RUNX1T1: variants seen among roughly 807,000 people sequenced by gnomAD.
RUNX1T1 encodes the protein protein CBFA2T1.
In RUNX1T1, 4 loss-of-function variants were observed where a neutral mutation model predicts 62.8. That is an observed-to-expected ratio of 0.06 (90% CI 0.03 to 0.15). The LOEUF (loss-of-function observed/expected upper bound fraction) is 0.15, where lower values mean the gene tolerates loss of function less well. Ranked by LOEUF, RUNX1T1 falls within the 10% of genes least tolerant of loss-of-function variation. RUNX1T1 has a pLI of 1.00. For missense variants in RUNX1T1, 508 were observed against 754.3 expected (o/e 0.67, Z 3.82); for synonymous variants, 291 against 286.0 (o/e 1.02, Z -0.18).
chr8:92,083,441 T>G (rs557469498), intron 1 of RUNX1T1, among the ~76,000 whole-genome samples: 2 of 152,194 alleles, frequency 1.3e-5, no homozygotes, highest in East Asian at 3.9e-4. Flanking sequence ...GTGAAGCATA[T>G]CAACAGACAC....
At chr8:91,998,640 G>A (rs1379787635) in intron 5 of RUNX1T1, among the ~76,000 whole-genome samples, 1 of 152,208 alleles carries the variant, frequency 6.6e-6, no homozygotes, top group Non-Finnish European at 1.5e-5. Flanking sequence ...TCACGTGTCT[G>A]AAGCTGACCA....
At chr8:92,004,927 C>A in intron 5 of RUNX1T1, 189 bp downstream of exon 6, 1 of 537,518 alleles carries the variant, frequency 1.9e-6, no homozygotes, top group Non-Finnish European at 3.2e-6. Context: ...GCCAAACTGT[C>A]CCAGGCCAGA....
At chr8:92,073,925 T>C (rs887921141) in intron 2 of RUNX1T1, among the ~76,000 whole-genome samples, 5 of 152,150 alleles carry the variant, frequency 3.3e-5, no homozygotes, top group Non-Finnish European at 7.4e-5. Flanking sequence ...CTAGAACTCC[T>C]GAGTTCAAGC....
chr8:91,959,412 TTGTGTG>T (rs56037232), exon 11 of RUNX1T1: 8,308 of 138,098 alleles, frequency 0.06, 320 homozygotes, highest in Non-Finnish European at 0.076. Context: ...AGTCTCTTAC[TTGTGTG>T]TGTGTGTGTG....
intron 5 of RUNX1T1, among the ~76,000 whole-genome samples, chr8:91,996,437 G>A (rs530952590): frequency 3.3e-5 from 5 of 152,204 alleles, no homozygotes; most frequent in African/African-American, 1.2e-4. Flanking sequence ...TCCTGACCTC[G>A]CGATCCGCCC....
intron 2 of RUNX1T1, among the ~76,000 whole-genome samples, chr8:92,074,863 G>A (rs1441302503): frequency 6.6e-6 from 1 of 152,148 alleles, no homozygotes; most frequent in Non-Finnish European, 1.5e-5. Context: ...GGAATGAAAA[G>A]AAGGGAAATA....
intron 1 of RUNX1T1, among the ~76,000 whole-genome samples, chr8:92,060,553 A>ATATATGTGTGTG: frequency 2.0e-4 from 13 of 63,948 alleles, no homozygotes; most frequent in African/African-American, 7.5e-4. Context: ...ATATATATAT[A>ATATATGTGTGTG]TGTGTGTGTG....
chr8:92,042,571 G>C (rs1828661095), intron 1 of RUNX1T1, among the ~76,000 whole-genome samples: 1 of 152,152 alleles, frequency 6.6e-6, no homozygotes, highest in Admixed American at 6.5e-5. Flanking sequence ...TTTGTCCTTG[G>C]CTTCCCGAAG....
intron 1 of RUNX1T1, among the ~76,000 whole-genome samples, chr8:92,051,650 T>C (rs963085821): frequency 5.3e-5 from 8 of 151,554 alleles, no homozygotes; most frequent in African/African-American, 1.9e-4. Context: ...TCTCAAGTTA[T>C]TCCTCAGAGC....
chr8:92,040,880 A>C (rs1828312298), intron 1 of RUNX1T1, among the ~76,000 whole-genome samples: 1 of 152,064 alleles, frequency 6.6e-6, no homozygotes, highest in Non-Finnish European at 1.5e-5. Context: ...AAATAATATA[A>C]ATTTTTTTTT....
chr8:91,955,304 G>T (rs1341498922), downstream of RUNX1T1: 1 of 224,412 alleles, frequency 4.5e-6, no homozygotes, highest in Non-Finnish European at 8.9e-6. Flanking sequence ...CTATCTGCTA[G>T]TTTCTGGCCT....
At chr8:91,978,794 C>T (rs1814547114) in intron 8 of RUNX1T1, among the ~76,000 whole-genome samples, 1 of 152,132 alleles carries the variant, frequency 6.6e-6, no homozygotes, top group Non-Finnish European at 1.5e-5. Flanking sequence ...CTATGGGCTG[C>T]ACAGGTGTCT....
chr8:92,008,280 CG>C (rs1554617839), intron 4 of RUNX1T1, among the ~76,000 whole-genome samples: 1 of 151,476 alleles, frequency 6.6e-6, no homozygotes, highest in Admixed American at 6.6e-5. Flanking sequence ...GATGAGGAAG[CG>C]GGGGGGAAGT....
chr8:92,037,248 G>A (rs1035388749), intron 1 of RUNX1T1, among the ~76,000 whole-genome samples: 2 of 152,162 alleles, frequency 1.3e-5, no homozygotes, highest in African/African-American at 2.4e-5. Flanking sequence ...ATGTTGAGAA[G>A]GAGGGAGGGC....
At chr8:92,035,858 T>C (rs1350715483) in intron 1 of RUNX1T1, among the ~76,000 whole-genome samples, 1 of 152,138 alleles carries the variant, frequency 6.6e-6, no homozygotes, top group African/African-American at 2.4e-5. Flanking sequence ...AGCATACCTT[T>C]TAATACCAGG....
At chr8:92,069,803 A>C (rs1833411796) in intron 2 of RUNX1T1, among the ~76,000 whole-genome samples, 1 of 152,198 alleles carries the variant, frequency 6.6e-6, no homozygotes, top group Non-Finnish European at 1.5e-5. Context: ...CCCTTACTCT[A>C]TATGGAAATT....
intron 5 of RUNX1T1, among the ~76,000 whole-genome samples, chr8:91,999,911 C>A (rs1182795850): frequency 6.6e-6 from 1 of 152,002 alleles, no homozygotes; most frequent in African/African-American, 2.4e-5. Context: ...AAAGTTAGAC[C>A]CTAACAAAGC....
chr8:92,097,619 T>TA (rs949672440), intron 1 of RUNX1T1, among the ~76,000 whole-genome samples: 12 of 152,082 alleles, frequency 7.9e-5, no homozygotes, highest in South Asian at 2.1e-4. Flanking sequence ...GCTATTTTTT[T>TA]AAAAAAAATT....
At chr8:92,072,958 G>A (rs974942081) in intron 2 of RUNX1T1, among the ~76,000 whole-genome samples, 3 of 152,050 alleles carry the variant, frequency 2.0e-5, no homozygotes, top group Non-Finnish European at 2.9e-5. Flanking sequence ...TGTAAAAATT[G>A]ATACTACCTA....
Sources: gnomAD v4.1 joint callset for allele counts (sites outside exome capture counted in the v4.1 genomes callset) on GRCh38, gnomAD v4.1.1 for gene constraint, MANE v1.5 for transcripts, NCBI Gene and HGNC (gene_info 2026-07-23, HGNC 2026-07-21) for gene names.